Variants in TRIP12 observed in about 807,000 individuals in gnomAD.
TRIP12 encodes the protein thyroid hormone receptor interactor 12, also known as E3 ubiquitin-protein ligase TRIP12.
A neutral mutation model predicts 244.2 loss-of-function variants in TRIP12; 25 were observed. That is an observed-to-expected ratio of 0.10 (90% CI 0.07 to 0.14). The LOEUF (loss-of-function observed/expected upper bound fraction) is 0.14, where lower values mean the gene tolerates loss of function less well. TRIP12 is among the 10% of genes least tolerant of loss of function. The probability of loss-of-function intolerance (pLI) is 1.00; values close to 1 mark genes in which losing one functional copy is unlikely to be tolerated. For synonymous variants in TRIP12, 905 were observed against 873.1 expected, an observed-to-expected ratio of 1.04 and a Z score of -0.64; for missense variants, 1,677 against 2,486.4, an observed-to-expected ratio of 0.67 and a Z score of 6.92.
At chr2:229,922,076 A>C, upstream of TRIP12, 3 of 156,758 alleles carry the variant, frequency 1.9e-5, no homozygotes, top group East Asian at 1.9e-4. Context: ...CCCTCGGGGA[A>C]CTACTTTGTC....
At chr2:229,816,067 T>C (rs1420624044) in intron 9 of TRIP12, among the ~76,000 whole-genome samples, 3 of 152,174 alleles carry the variant, frequency 2.0e-5, no homozygotes, top group Non-Finnish European at 2.9e-5. Context: ...GATAAGACAG[T>C]CATTCACTGT....
chr2:229,818,387 C>T lies in TRIP12; in HGVS notation c.1576G>A (p.Val526Ile). The T allele has an allele frequency of 1.2e-6, 2 of 1,614,036 alleles. No individual in the cohort carries two copies. The highest frequency in any genetic ancestry group is 1.7e-6 in the Non-Finnish European group (2 of 1,179,970). The change falls in exon 9 of 42, where the codon GTC (valine) becomes ATC (isoleucine). Residue 526 changes from valine to isoleucine, a missense_variant. Physicochemically the swap from Val to Ile is conservative, Grantham distance 29. Coordinates refer to ENST00000675903, the MANE Select transcript of TRIP12 (RefSeq NM_001348323.3). ...GNEETLGGFP[V>I]KSVVPALITL... is the part of the protein sequence containing the mutation. ...ACCAAAGCTGGAACAACACTCTTGACAGGAAACCCTCCCAGTGTCTCCTCA... is the reference window on the plus strand; with the variant it reads ...ACCAAAGCTGGAACAACACTCTTGATAGGAAACCCTCCCAGTGTCTCCTCA...
At chr2:229,860,949 A>G (rs1303985314) in intron 2 of TRIP12, among the ~76,000 whole-genome samples, 1 of 152,224 alleles carries the variant, frequency 6.6e-6, no homozygotes, top group Non-Finnish European at 1.5e-5. Context: ...AAGACAATTG[A>G]TGATTCCCAC....
At chr2:229,826,167 T>C (rs2051525160) in intron 8 of TRIP12, among the ~76,000 whole-genome samples, 1 of 152,192 alleles carries the variant, frequency 6.6e-6, no homozygotes, top group Non-Finnish European at 1.5e-5. Flanking sequence ...ATTAATACTT[T>C]CTTTACTTCT....
chr2:229,837,472 T>C (rs994960899), intron 5 of TRIP12, among the ~76,000 whole-genome samples: 1 of 151,966 alleles, frequency 6.6e-6, no homozygotes, highest in Non-Finnish European at 1.5e-5. Context: ...CTGTCTCTAC[T>C]AAAAATACAA....
At chr2:229,816,882 G>A (rs1044524254) in intron 9 of TRIP12, among the ~76,000 whole-genome samples, 2 of 152,182 alleles carry the variant, frequency 1.3e-5, no homozygotes, top group Admixed American at 6.5e-5. Context: ...ACTGAGAATG[G>A]ACATTAACAC....
At chr2:229,815,232 A>C (rs370229099) in intron 10 of TRIP12, 38 bp from the exon 11 acceptor site, 162 of 1,562,586 alleles carry the variant, frequency 1.0e-4, no homozygotes, top group Non-Finnish European at 1.3e-4. Context: ...AAAACTCAAA[A>C]CTTAAATATA....
intron 2 of TRIP12, among the ~76,000 whole-genome samples, chr2:229,864,047 A>AGTGTGTGTGTGT (rs371818159): frequency 2.5e-5 from 2 of 79,292 alleles, no homozygotes; most frequent in Non-Finnish European, 5.1e-5. Context: ...AGAGAGAGAG[A>AGTGTGTGTGTGT]GTGTGTGTGT....
chr2:229,822,731 T>TG (rs1339567755), intron 8 of TRIP12, among the ~76,000 whole-genome samples: 2 of 151,474 alleles, frequency 1.3e-5, no homozygotes, highest in African/African-American at 2.4e-5. Context: ...GAGAATTAAG[T>TG]GGGGGAAAAA....
intron 1 of TRIP12, among the ~76,000 whole-genome samples, chr2:229,881,609 A>T (rs2064893727): frequency 1.3e-5 from 2 of 152,254 alleles, no homozygotes; most frequent in African/African-American, 4.8e-5. Flanking sequence ...TTAATATAAT[A>T]AACTTTAATT....
At chr2:229,790,229 C>G (rs2041108592) in intron 30 of TRIP12, among the ~76,000 whole-genome samples, 2 of 152,058 alleles carry the variant, frequency 1.3e-5, no homozygotes, top group African/African-American at 4.8e-5. Context: ...TGAGGGTTTT[C>G]AAGTAAGGGT....
At chr2:229,814,386 C>A in intron 11 of TRIP12, 61 bp from the exon 12 acceptor site, 2 of 1,502,690 alleles carry the variant, frequency 1.3e-6, no homozygotes, top group South Asian at 1.2e-5. Context: ...AATAACTTAT[C>A]TTCTACATAT....
At chr2:229,840,656 C>T (rs1432857356) in intron 5 of TRIP12, among the ~76,000 whole-genome samples, 166 bp downstream of exon 5, 1 of 151,986 alleles carries the variant, frequency 6.6e-6, no homozygotes, top group Non-Finnish European at 1.5e-5. Context: ...GAGCCAAGAT[C>T]GCGCCACTGC....
chr2:229,895,528 C>G (rs903637678), intron 1 of TRIP12, among the ~76,000 whole-genome samples: 4 of 144,346 alleles, frequency 2.8e-5, no homozygotes, highest in Non-Finnish European at 6.0e-5. Flanking sequence ...TAAACCCAGA[C>G]ATGTCCTAAG....
intron 6 of TRIP12, chr2:229,831,216 A>C: frequency 1.5e-6 from 1 of 681,482 alleles, no homozygotes; most frequent in Non-Finnish European, 2.7e-6. Flanking sequence ...TTAGTAACAA[A>C]AATAATAAAA....
chr2:229,815,002 A>C (rs2048149413), intron 11 of TRIP12, 97 bp downstream of exon 11: 2 of 941,262 alleles, frequency 2.1e-6, no homozygotes, highest in Admixed American at 2.6e-5. Context: ...CGGGCTAAAA[A>C]ATATACTTTA....
chr2:229,825,753 T>C (rs1043898941), intron 8 of TRIP12, among the ~76,000 whole-genome samples: 6 of 152,140 alleles, frequency 3.9e-5, no homozygotes, highest in African/African-American at 9.7e-5. Flanking sequence ...GGTGGGTACA[T>C]AGCCAAATCA....
chr2:229,799,168 G>C (rs902220239), intron 22 of TRIP12, 115 bp downstream of exon 22: 9 of 1,523,036 alleles, frequency 5.9e-6, no homozygotes, highest in Non-Finnish European at 8.1e-6. Flanking sequence ...AGAACACTTA[G>C]TCCTCAGGAA....
chr2:229,804,351 G>A (rs968851629), intron 18 of TRIP12, 124 bp from the exon 19 acceptor site: 3 of 749,898 alleles, frequency 4.0e-6, no homozygotes, highest in Non-Finnish European at 6.5e-6. Context: ...TTTCATTATA[G>A]AACACATGAA....
Sources: allele counts gnomAD v4.1 joint callset (sites outside exome capture counted in the v4.1 genomes callset), GRCh38; gene constraint gnomAD v4.1.1; transcripts MANE v1.5; gene names NCBI Gene and HGNC (gene_info 2026-07-23, HGNC 2026-07-21).